RRP12: variants seen among roughly 807,000 people sequenced by gnomAD.
RRP12 encodes the protein RRP12-like protein.
A neutral mutation model predicts 157.3 loss-of-function variants in RRP12; 78 were observed. The ratio of observed to expected loss-of-function variants is 0.50; its 90% CI spans 0.41 to 0.60. RRP12 has a LOEUF of 0.60. Among genes scored for constraint, RRP12 ranks in the 20% least tolerant of loss-of-function variants. The pLI is 0.00. For missense variants in RRP12, 1,521 were observed against 1,679.9 expected (o/e 0.91, Z 1.65); for synonymous variants, 726 against 670.9 (o/e 1.08, Z -1.27).
chr10:97,395,856 A>C (rs1193887050), intron 3 of RRP12, among the ~76,000 whole-genome samples: 1 of 151,064 alleles, frequency 6.6e-6, no homozygotes, highest in South Asian at 2.1e-4. Flanking sequence ...GCCTCAAAAA[A>C]AAAAAAAAAA....
chr10:97,377,292 A>C (rs1475628307), intron 15 of RRP12, among the ~76,000 whole-genome samples: 1 of 149,208 alleles, frequency 6.7e-6, no homozygotes, highest in African/African-American at 2.5e-5. Flanking sequence ...CGAGGCAGGT[A>C]GATTTTCTGA....
chr10:97,387,335 CTTTT>C (rs34534343), intron 8 of RRP12, among the ~76,000 whole-genome samples: 1 of 137,926 alleles, frequency 7.3e-6, no homozygotes, highest in Non-Finnish European at 1.6e-5. Context: ...TTTCTTTTTC[CTTTT>C]TTTTTTTTTT....
intron 8 of RRP12, among the ~76,000 whole-genome samples, chr10:97,387,298 ATTTTC>A (rs920694857): frequency 4.1e-5 from 6 of 145,266 alleles, no homozygotes; most frequent in Non-Finnish European, 6.1e-5. Context: ...TTTCCTGAAT[ATTTTC>A]TTTTCTTTTT....
rs369569674 is a variant in RRP12 at position 97,385,883 on chromosome 10, A to T, written c.1116+12T>A. On this transcript the variant is annotated intron_variant, in intron 9 of 33. Transcript: ENST00000370992. ...CGACCTAATGCCCCCACATCCCACCAACAGGCCTCACCGTGATGATCTGGG... is the reference window on the plus strand; with the variant it reads ...CGACCTAATGCCCCCACATCCCACCTACAGGCCTCACCGTGATGATCTGGG... 179 of 1,583,054 alleles carry T rather than the reference A, an allele frequency of 1.1e-4. No individual in the cohort carries two copies. The highest frequency in any genetic ancestry group is 1.5e-4 in the Non-Finnish European group (177 of 1,161,166).
intron 10 of RRP12, among the ~76,000 whole-genome samples, chr10:97,383,661 TG>T (rs1844531155): frequency 6.6e-6 from 1 of 152,240 alleles, no homozygotes; most frequent in African/African-American, 2.4e-5. Flanking sequence ...TACTATTAAG[TG>T]GCCAAGCCTG....
intron 3 of RRP12, among the ~76,000 whole-genome samples, chr10:97,394,640 T>G (rs1844905253): frequency 6.6e-6 from 1 of 152,168 alleles, no homozygotes; most frequent in Non-Finnish European, 1.5e-5. Context: ...TCCTCCGATC[T>G]TGGCCTCCCA....
chr10:97,364,119 C>A (rs1843912034), intron 29 of RRP12, among the ~76,000 whole-genome samples: 1 of 152,160 alleles, frequency 6.6e-6, no homozygotes, highest in South Asian at 2.1e-4. Flanking sequence ...GGGATAACGG[C>A]CCCTCAAAGA....
chr10:97,362,880 G>C (rs946195761), intron 30 of RRP12, among the ~76,000 whole-genome samples: 1 of 152,204 alleles, frequency 6.6e-6, no homozygotes, highest in African/African-American at 2.4e-5. Context: ...GGCAGACATT[G>C]ACAAACATGA....
Position 97,385,976 on chromosome 10 carries a change from G to T in RRP12, c.1035C>A (p.Ala345=), listed in dbSNP as rs1215919896. The T allele has an allele frequency of 3.1e-6, 5 of 1,598,488 alleles. No homozygotes were observed. Among genetic ancestry groups the T allele is most frequent in the Non-Finnish European group, 4.3e-6 (5 of 1,172,608 alleles). ...TLSHVLVTAC[A]MQAFHSLFHA... ...GGAAGAGGCTGTGAAAGGCCTGCAT[G>T]GCACAGGCTGTCACCAGCTGGAGGG... The change falls in exon 9 of 34, where the codon GCC becomes GCA. Residue 345 remains alanine, a synonymous_variant. Coordinates refer to ENST00000370992, the MANE Select transcript of RRP12 (RefSeq NM_015179.4).
At chr10:97,394,880 T>C (rs1844912418) in intron 3 of RRP12, among the ~76,000 whole-genome samples, 1 of 151,912 alleles carries the variant, frequency 6.6e-6, no homozygotes, top group South Asian at 2.1e-4. Flanking sequence ...TGGTGGCTCA[T>C]GCCTGTAATC....
chr10:97,364,132 C>T (rs1320835991), intron 29 of RRP12, among the ~76,000 whole-genome samples: 3 of 152,158 alleles, frequency 2.0e-5, no homozygotes, highest in Non-Finnish European at 2.9e-5. Context: ...CTCAAAGAAG[C>T]GGTGATCCTA....
intron 10 of RRP12, among the ~76,000 whole-genome samples, chr10:97,383,053 T>G (rs947667069): frequency 6.6e-6 from 1 of 152,220 alleles, no homozygotes; most frequent in African/African-American, 2.4e-5. Context: ...TGAGCCACTG[T>G]GCCAGGCCCA....
chr10:97,363,537 C>T (rs1271882487), intron 30 of RRP12, among the ~76,000 whole-genome samples: 1 of 152,214 alleles, frequency 6.6e-6, no homozygotes. Context: ...GGGCACACAG[C>T]CATGCTCCCC....
Position 97,379,479 on chromosome 10 carries a change from T to C in RRP12, c.1677-65A>G, listed in dbSNP as rs41302705. On this transcript the variant is annotated intron_variant, in intron 14 of 33. Coordinates refer to ENST00000370992, the MANE Select transcript of RRP12 (RefSeq NM_015179.4). ...ACAGCCCTGAGGGCAGTGCATAGCA[T>C]ACTGAGCCCAGGACAGAGTAAGACC... 5,164 of 1,607,042 alleles carry C rather than the reference T, an allele frequency of 3.2e-3. 20 individuals are homozygous for C. The highest frequency in any genetic ancestry group is 0.011 in the African/African-American group (838 of 74,962).
intron 15 of RRP12, among the ~76,000 whole-genome samples, chr10:97,374,582 C>T (rs1449766603): frequency 6.6e-6 from 1 of 151,802 alleles, no homozygotes; most frequent in East Asian, 1.9e-4. Flanking sequence ...ACCATCCTGG[C>T]TAACATGGTG....
Position 97,388,935 on chromosome 10 carries a change from C to T in RRP12, c.754-311G>A, listed in dbSNP as rs138166894. 4.9e-3 allele frequency among the ~76,000 whole-genome samples: 753 copies of T among 152,280 alleles called. 1 individual carries two copies. Among genetic ancestry groups the T allele is most frequent in the Middle Eastern group, 0.02 (6 of 294 alleles). On this transcript the variant is annotated intron_variant, in intron 6 of 33. Coordinates refer to ENST00000370992, the MANE Select transcript of RRP12 (RefSeq NM_015179.4). ...GGGTTTCTTCATTCACTTAATCATCCGGCAAACACTGTGTGTCCACCAAGC... is the reference window on the plus strand; with the variant it reads ...GGGTTTCTTCATTCACTTAATCATCTGGCAAACACTGTGTGTCCACCAAGC...
intron 10 of RRP12, among the ~76,000 whole-genome samples, chr10:97,382,972 G>A (rs1844512449): frequency 6.6e-6 from 1 of 152,026 alleles, no homozygotes. Context: ...ATTTTGGCCA[G>A]GCTAGTCTCA....
intron 30 of RRP12, among the ~76,000 whole-genome samples, 160 bp from the exon 31 acceptor site, chr10:97,360,778 G>A (rs1267867537): frequency 2.6e-5 from 4 of 152,092 alleles, no homozygotes; most frequent in Non-Finnish European, 4.4e-5. Flanking sequence ...GCCCAGAGAG[G>A]GCAAGGAACT....
In RRP12 at chr10:97,373,196, A is replaced by G. The variant is rs2133052649; in HGVS notation, c.2031T>C (p.Ala677=). The part of the protein sequence containing the change: ...TLITKGCQAE[A]DRAEVSRFAK... ...CAAAGCGACTCACTTCAGCACGGTC[A>G]GCCTCTGGTAAAAGGATCAAAGTTT... Residue 677 remains alanine (A), a synonymous_variant, in exon 18 of 34, where the codon GCT becomes GCC. Coordinates refer to ENST00000370992, the MANE Select transcript of RRP12 (RefSeq NM_015179.4). 6.2e-7 allele frequency: 1 copy of G among 1,614,096 alleles called. No homozygotes were observed. Among genetic ancestry groups the G allele is most frequent in the South Asian group, 1.1e-5 (1 of 91,072 alleles).
Sources: gnomAD v4.1 joint callset for allele counts (sites outside exome capture counted in the v4.1 genomes callset) on GRCh38, gnomAD v4.1.1 for gene constraint, MANE v1.5 for transcripts, NCBI Gene and HGNC (gene_info 2026-07-23, HGNC 2026-07-21) for gene names.